Variants in PSMG2 observed in about 807,000 individuals in gnomAD.
PSMG2 encodes the protein CD40 ligand-activated specific transcript 3.
A neutral mutation model predicts 31.5 loss-of-function variants in PSMG2; 21 were observed. That is an observed-to-expected ratio of 0.67 (90% CI 0.47 to 0.96). The LOEUF (loss-of-function observed/expected upper bound fraction) is 0.96. PSMG2 is among the 40% of genes least tolerant of loss of function. The pLI is 0.00. For missense variants in PSMG2, 318 were observed against 321.2 expected (o/e 0.99, Z 0.08); for synonymous variants, 120 against 110.4 (o/e 1.09, Z -0.54).
chr18:12,709,642 G>T (rs2145137059), intron 2 of PSMG2, among the ~76,000 whole-genome samples: 1 of 151,520 alleles, frequency 6.6e-6, no homozygotes, highest in African/African-American at 2.4e-5. Context: ...GGGATTACAG[G>T]TCCACGCCCC....
Position 12,688,228 on chromosome 18 carries a change from C to CA in PSMG2, c.-36-18303dup, listed in dbSNP as rs11337170. Among the ~76,000 whole-genome samples the CA allele has an allele frequency of 3.4e-3, 315 of 93,720 alleles. 1 individual carries two copies. Among genetic ancestry groups the CA allele is most frequent in the Non-Finnish European group, 4.6e-3 (211 of 46,108 alleles). 61.5% of individuals were successfully genotyped at this position (93,720 alleles called of 152,430 possible). ...CCTGGGCGAGAGCGAGACTCCATCTCAAAAAAAAAAAAAAAAAAACAAAAC... is the reference window on the plus strand; with the variant it reads ...CCTGGGCGAGAGCGAGACTCCATCTCAAAAAAAAAAAAAAAAAAAACAAAAC... On this transcript the variant is annotated intron_variant, in intron 1 of 6. Transcript: ENST00000585331.
At chr18:12,703,594 G>C (rs113255294) in intron 1 of PSMG2, among the ~76,000 whole-genome samples, 1 of 152,114 alleles carries the variant, frequency 6.6e-6, no homozygotes, top group Non-Finnish European at 1.5e-5. Flanking sequence ...CAGTTTTATC[G>C]CTCTTTATAT....
chr18:12,712,758 A>G lies in PSMG2; in HGVS notation c.286A>G (p.Lys96Glu), dbSNP rs533142498. Residue 96 changes from lysine to glutamate, a missense_variant and splice_region_variant, in exon 3 of 7, where the codon AAG becomes GAG. By Grantham distance (56) the Lys-to-Glu change is moderately conservative (BLOSUM62 1). Transcript: ENST00000317615. ...TCTACAGTTAAGATCCATTTTTATTAAGGTTAGTATGTTGTAGTTTGCCTT... is the reference window on the plus strand; with the variant it reads ...TCTACAGTTAAGATCCATTTTTATTGAGGTTAGTATGTTGTAGTTTGCCTT... ...VALQLRSIFI[K>E]YKSKPFCEKL... 23 of 1,602,854 alleles carry G rather than the reference A, an allele frequency of 1.4e-5. No homozygotes were observed. The South Asian group carries it at 2.5e-4, about 18-fold the overall frequency.
At chr18:12,705,887 G>A (rs1186497372) in intron 1 of PSMG2, among the ~76,000 whole-genome samples, 1 of 151,940 alleles carries the variant, frequency 6.6e-6, no homozygotes, top group East Asian at 1.9e-4. Context: ...ATTTTTCTCC[G>A]TAGCAATTAC....
intron 1 of PSMG2, among the ~76,000 whole-genome samples, chr18:12,705,211 T>C (rs12969938): frequency 0.39 from 59,108 of 151,680 alleles, 11,932 homozygotes; most frequent in Non-Finnish European, 0.45. Context: ...ATTATAGGCA[T>C]GCACCACCAC....
chr18:12,671,959 A>G (rs1348960512), intron 1 of PSMG2, among the ~76,000 whole-genome samples: 1 of 139,826 alleles, frequency 7.2e-6, no homozygotes. Flanking sequence ...TAGCTAGACT[A>G]CAGGCACATG....
upstream of PSMG2, among the ~76,000 whole-genome samples, chr18:12,698,498 T>C (rs2040039678): frequency 6.6e-6 from 1 of 152,148 alleles, no homozygotes; most frequent in Non-Finnish European, 1.5e-5. Context: ...AGACAATGTC[T>C]CACTTTGCCC....
chr18:12,702,775 A>G (rs1013602677), upstream of PSMG2: 25 of 578,626 alleles, frequency 4.3e-5, no homozygotes, highest in Non-Finnish European at 6.3e-5. Flanking sequence ...GCGGACAAAC[A>G]GGGCTTGGGG....
intron 3 of PSMG2, among the ~76,000 whole-genome samples, chr18:12,717,042 G>A (rs534510324): frequency 1.4e-5 from 2 of 146,218 alleles, no homozygotes; most frequent in East Asian, 2.1e-4. Context: ...CCTGACCTCC[G>A]AGGCTCAAAT....
intron 1 of PSMG2, among the ~76,000 whole-genome samples, chr18:12,679,837 T>C (rs1283264739): frequency 6.6e-6 from 1 of 151,882 alleles, no homozygotes; most frequent in Non-Finnish European, 1.5e-5. Flanking sequence ...CCGTGGCAGG[T>C]AGACTGCTTG....
At chr18:12,684,531 A>T (rs919776376) in intron 1 of PSMG2, 1 of 149,890 alleles carries the variant, frequency 6.7e-6, no homozygotes, top group Non-Finnish European at 1.5e-5. Flanking sequence ...CCCACACTGG[A>T]GTGCGATGGC....
In PSMG2 at chr18:12,719,205, C is replaced by T. The variant is rs894502964; in HGVS notation, c.407+570C>T. ...GGATTGCATGTGTGAGCCCCCCGCA[C>T]CTGGCCACATGCAACCATTCGTATT... On this transcript the variant is annotated intron_variant, in intron 4 of 6. Transcript: ENST00000317615. 2.6e-5 allele frequency among the ~76,000 whole-genome samples: 4 copies of T among 152,012 alleles called. No individual in the cohort carries two copies. In the East Asian group the frequency reaches 5.8e-4, roughly 22 times the overall value.
At chr18:12,673,645 C>T (rs1050623946) in intron 1 of PSMG2, 5 of 551,088 alleles carry the variant, frequency 9.1e-6, no homozygotes, top group South Asian at 2.5e-5. Context: ...TTTGGGAGGC[C>T]GAGACAGGTG....
At chr18:12,672,258 G>A (rs959593779) in intron 1 of PSMG2, among the ~76,000 whole-genome samples, 5 of 151,918 alleles carry the variant, frequency 3.3e-5, no homozygotes, top group African/African-American at 7.3e-5. Flanking sequence ...GGGATTACAG[G>A]TGTGAGCCAC....
At chr18:12,691,251 CTT>C (rs1394197315) in intron 1 of PSMG2, 12 of 699,084 alleles carry the variant, frequency 1.7e-5, no homozygotes, top group Non-Finnish European at 2.4e-5. Flanking sequence ...TACAAATACA[CTT>C]TTATTTTTTG....
In PSMG2 at chr18:12,668,597, C is replaced by CAAAAAAAAAAAAAAAAAA. The variant is rs752216074; in HGVS notation, c.-37+9839_-37+9856dup. On this transcript the variant is annotated intron_variant, in intron 1 of 6. Transcript: ENST00000585331. ...TGGGAGACAGAGTAAGATTCCATCT[C>CAAAAAAAAAAAAAAAAAA]AAAAAAAAAAAAAAAAAAAAAAAAA... 2.9e-4 allele frequency among the ~76,000 whole-genome samples: 21 copies of CAAAAAAAAAAAAAAAAAA among 72,830 alleles called. 2 individuals are homozygous for CAAAAAAAAAAAAAAAAAA. Among genetic ancestry groups the CAAAAAAAAAAAAAAAAAA allele is most frequent in the Non-Finnish European group, 4.1e-4 (17 of 41,410 alleles). 47.8% of individuals were successfully genotyped at this position (72,830 alleles called of 152,430 possible).
intron 1 of PSMG2, among the ~76,000 whole-genome samples, chr18:12,692,829 A>C (rs1435447350): frequency 1.3e-5 from 2 of 152,022 alleles, no homozygotes; most frequent in Non-Finnish European, 2.9e-5. Flanking sequence ...TTCTGACTTT[A>C]ATTTCTTTTA....
intron 1 of PSMG2, chr18:12,658,815 C>G (rs1294184327): frequency 3.1e-6 from 1 of 321,206 alleles, no homozygotes; most frequent in African/African-American, 2.2e-5. Flanking sequence ...GTTTTCCTCA[C>G]TGACTTCTCC....
At chr18:12,695,391 C>T (rs1179980429) in intron 1 of PSMG2, 1 of 991,702 alleles carries the variant, frequency 1.0e-6, no homozygotes, top group Non-Finnish European at 1.5e-6. Context: ...GATTTCAATA[C>T]TATATATATT....
Sources: allele counts gnomAD v4.1 joint callset (sites outside exome capture counted in the v4.1 genomes callset), GRCh38; gene constraint gnomAD v4.1.1; transcripts MANE v1.5; gene names NCBI Gene and HGNC (gene_info 2026-07-23, HGNC 2026-07-21).